TET3: variants seen among roughly 807,000 people sequenced by gnomAD.
The protein encoded by TET3 is tet methylcytosine dioxygenase 3, also known as methylcytosine dioxygenase TET3.
Under a neutral mutation model 141.4 loss-of-function variants are expected in TET3, and 19 were observed. The ratio of observed to expected loss-of-function variants is 0.13; its 90% CI spans 0.09 to 0.20. The LOEUF (loss-of-function observed/expected upper bound fraction) is 0.20, where lower values mean the gene tolerates loss of function less well. Ranked by LOEUF, TET3 falls within the 10% of genes least tolerant of loss-of-function variation. The pLI, the probability that TET3 is intolerant of heterozygous loss-of-function variation, is 1.00. For missense variants in TET3, 1,874 were observed against 2,356.9 expected (o/e 0.80, Z 4.24); for synonymous variants, 1,043 against 980.9 (o/e 1.06, Z -1.18).
chr2:74,045,607 G>C (rs1687572322), intron 3 of TET3, among the ~76,000 whole-genome samples: 1 of 152,228 alleles, frequency 6.6e-6, no homozygotes, highest in South Asian at 2.1e-4. Context: ...TGGCAGGACT[G>C]ACCTGGCATG....
intron 3 of TET3, among the ~76,000 whole-genome samples, chr2:74,017,879 C>T (rs192419665): frequency 1.2e-4 from 18 of 152,032 alleles, no homozygotes; most frequent in Non-Finnish European, 1.8e-4. Context: ...GTTCCCCTTT[C>T]TCCGCATCCT....
intron 3 of TET3, among the ~76,000 whole-genome samples, chr2:74,027,945 T>A (rs1404471558): frequency 6.6e-6 from 1 of 152,156 alleles, no homozygotes; most frequent in Non-Finnish European, 1.5e-5. Flanking sequence ...TATGTATATA[T>A]GTATATGATT....
At chr2:74,116,080 G>A in the TET3 span, among the ~76,000 whole-genome samples, 2 of 148,634 alleles carry the variant, frequency 1.3e-5, no homozygotes, top group Non-Finnish European at 1.5e-5. Context: ...CTCAAAAGAA[G>A]ACATACAAAT....
At chr2:74,065,692 T>C (rs1387058079) in intron 4 of TET3, among the ~76,000 whole-genome samples, 1 of 151,468 alleles carries the variant, frequency 6.6e-6, no homozygotes, top group South Asian at 2.1e-4. Context: ...TCTTTTCTTC[T>C]TTCTTTTTCT....
chr2:74,060,979 T>C, intron 4 of TET3, among the ~76,000 whole-genome samples: 1 of 152,160 alleles, frequency 6.6e-6, no homozygotes, highest in Non-Finnish European at 1.5e-5. Flanking sequence ...CCCCTTTCTA[T>C]TCCACAAAAC....
chr2:74,123,773 G>A, the TET3 span, among the ~76,000 whole-genome samples: 3 of 151,678 alleles, frequency 2.0e-5, no homozygotes, highest in East Asian at 3.9e-4. Context: ...TGGGAAGTGA[G>A]GAGCGCCTCT....
intron 3 of TET3, among the ~76,000 whole-genome samples, chr2:74,004,607 C>T (rs929137128): frequency 8.5e-5 from 13 of 152,190 alleles, no homozygotes; most frequent in African/African-American, 3.1e-4. Flanking sequence ...GCTTCCCCGT[C>T]TAGCGGGTGT....
chr2:74,033,555 C>T (rs1686867122), intron 3 of TET3, among the ~76,000 whole-genome samples: 3 of 152,116 alleles, frequency 2.0e-5, no homozygotes, highest in Admixed American at 6.5e-5. Context: ...AACAGGCATA[C>T]GTTGGAGATA....
Position 74,107,651 on chromosome 2 carries a change from T to A in TET3, c.*5475T>A, listed in dbSNP as rs1406365307. 6.6e-6 allele frequency: 1 copy of A among 152,202 alleles called. No homozygotes were observed. The highest frequency in any genetic ancestry group is 2.4e-5 in the African/African-American group (1 of 41,444). 9.4% of individuals were successfully genotyped at this position (152,202 alleles called of 1,614,324 possible). ...GCATATTAATACATTAGACTTAATCTAGAACCCCTGTAGCTTTTTGATGTG... is the reference window on the plus strand; with the variant it reads ...GCATATTAATACATTAGACTTAATCAAGAACCCCTGTAGCTTTTTGATGTG... On this transcript the variant is annotated 3_prime_UTR_variant, in exon 12 of 12. Coordinates refer to ENST00000409262, the MANE Select transcript of TET3 (RefSeq NM_001287491.2).
intron 4 of TET3, among the ~76,000 whole-genome samples, chr2:74,048,908 A>G (rs931112174): frequency 6.6e-6 from 1 of 152,174 alleles, no homozygotes; most frequent in Non-Finnish European, 1.5e-5. Context: ...TGTAGGGCCC[A>G]GGGAGCCAAG....
At chr2:74,120,715 A>T in the TET3 span, 2 of 152,364 alleles carry the variant, frequency 1.3e-5, no homozygotes, top group African/African-American at 4.8e-5. Flanking sequence ...TAGAAAATCG[A>T]TAGTCTTGAG....
rs112470539 is a variant in TET3 at position 73,994,829 on chromosome 2, G to T, written c.303+8123G>T. Among the ~76,000 whole-genome samples, 112 of 151,804 alleles carry T rather than the reference G, an allele frequency of 7.4e-4. 2 individuals carry two copies. In the East Asian group the frequency reaches 0.014, roughly 18 times the overall value. The stretch of plus-strand genomic sequence containing the variant: ...ATTTTGTATTTTTAGTAGAGACAGG[G>T]TTTCACCATGTTGGCCAGGCTGGTC... On this transcript the variant is annotated intron_variant, in intron 2 of 11. Transcript: ENST00000409262.
At chr2:74,043,298 C>G (rs1387670800) in intron 3 of TET3, among the ~76,000 whole-genome samples, 1 of 152,186 alleles carries the variant, frequency 6.6e-6, no homozygotes, top group Non-Finnish European at 1.5e-5. Flanking sequence ...TAGTCTCCCA[C>G]TGGGGTCAGG....
chr2:74,108,905 G>C (rs1168788005), downstream of TET3, among the ~76,000 whole-genome samples: 1 of 152,200 alleles, frequency 6.6e-6, no homozygotes, highest in Non-Finnish European at 1.5e-5. Context: ...GAGGGCATCT[G>C]AGTGAAAATA....
chr2:74,072,122 C>T (rs1468964038), intron 4 of TET3, among the ~76,000 whole-genome samples: 1 of 152,212 alleles, frequency 6.6e-6, no homozygotes, highest in Non-Finnish European at 1.5e-5. Flanking sequence ...CAACAACCAC[C>T]AGTTTGCCTT....
At chr2:74,091,187 A>G (rs1469083277) in intron 8 of TET3, among the ~76,000 whole-genome samples, 4 of 152,182 alleles carry the variant, frequency 2.6e-5, no homozygotes, top group Admixed American at 2.6e-4. Flanking sequence ...TATTTACGGT[A>G]AGATTCACCC....
At chr2:74,095,058 T>G (rs1321395364) in intron 10 of TET3, among the ~76,000 whole-genome samples, 1 of 152,168 alleles carries the variant, frequency 6.6e-6, no homozygotes, top group East Asian at 1.9e-4. Context: ...ATGCTGGCTG[T>G]CTGCTCTGCC....
rs1684024385 is a variant in TET3 at position 73,986,332 on chromosome 2, G to C, written c.-72G>C. 3 of 1,213,006 alleles carry C rather than the reference G, an allele frequency of 2.5e-6. No individual in the cohort carries two copies. The African/African-American group carries it at 4.7e-5, about 19-fold the overall frequency. 75.1% of individuals were successfully genotyped at this position (1,213,006 alleles called of 1,614,324 possible). A position where few individuals can be genotyped will look rare whatever the true frequency, so the allele number is the denominator to read the frequency against. ...TGTTCTAGGCGAGAAGGACCTGTTG[G>C]TGGCCTTTGGAGGTGGCAGGAAACG... On this transcript the variant is annotated 5_prime_UTR_variant, in exon 2 of 12. Transcript: ENST00000409262.
rs980089405 is a variant in TET3, at chr2:74,099,278, C to G, written c.3270C>G (p.Val1090=). 21 of 1,590,044 alleles carry G rather than the reference C, an allele frequency of 1.3e-5. No individual in the cohort carries two copies. The African/African-American group carries it at 2.3e-4, about 17-fold the overall frequency. ...CTCTCCCCCACTGCTTGGGGCAGGT[C>G]TGCACCCTGACCAAGGAAGACAATC... ...QHNLYNGCTV[V]CTLTKEDNRC... The change falls in exon 11 of 12, where the codon GTC becomes GTG. Residue 1090 remains valine, a splice_region_variant and synonymous_variant. Coordinates refer to ENST00000409262, the MANE Select transcript of TET3 (RefSeq NM_001287491.2).
Sources: gnomAD v4.1 joint callset for allele counts (sites outside exome capture counted in the v4.1 genomes callset) on GRCh38, gnomAD v4.1.1 for gene constraint, MANE v1.5 for transcripts, NCBI Gene and HGNC (gene_info 2026-07-23, HGNC 2026-07-21) for gene names.